The following FYN variants were observed in gnomAD, a reference collection of about 807,000 sequenced individuals.
The protein encoded by FYN is tyrosine-protein kinase Fyn.
A neutral mutation model predicts 70.2 loss-of-function variants in FYN; 10 were observed. The observed-to-expected ratio is 0.14, with a 90% CI of 0.09 to 0.24. The LOEUF (loss-of-function observed/expected upper bound fraction) is 0.24, where lower values mean the gene tolerates loss of function less well. FYN is among the 10% of genes least tolerant of loss of function. The pLI, the probability that FYN is intolerant of heterozygous loss-of-function variation, is 1.00. For missense variants in FYN, 319 were observed against 673.1 expected, an observed-to-expected ratio of 0.47 and a Z score of 5.82; for synonymous variants, 236 against 248.6, an observed-to-expected ratio of 0.95 and a Z score of 0.48.
At position 111,726,835 on chromosome 6, in the gene FYN, C is replaced by T. The variant is rs568279375; in HGVS notation, c.-11-6773G>A. ...GGGGGCAGTTCCCTCATGCTGTTCT[C>T]GTGATAGTGAGTGAGTTCTCATGAG... On this transcript the variant is annotated intron_variant, in intron 3 of 13. Coordinates refer to ENST00000354650, the MANE Select transcript of FYN (RefSeq NM_002037.5). Among the ~76,000 whole-genome samples the T allele has an allele frequency of 5.9e-5, 9 of 152,140 alleles. No homozygotes were observed. In the South Asian group the frequency reaches 1.9e-3, roughly 32 times the overall value.
chr6:111,757,517 GCCTCTGCAAATC>G (rs1477154202), intron 3 of FYN, among the ~76,000 whole-genome samples: 3 of 152,188 alleles, frequency 2.0e-5, no homozygotes, highest in Admixed American at 6.5e-5. Flanking sequence ...GGAAGTCCAG[GCCTCTGCAAATC>G]AAACTCTGCC....
intron 8 of FYN, among the ~76,000 whole-genome samples, chr6:111,701,100 T>C (rs191444409): frequency 4.6e-5 from 7 of 152,298 alleles, no homozygotes; most frequent in Admixed American, 6.5e-5. Flanking sequence ...GAATGTATTC[T>C]TTATAAAAAA....
intron 3 of FYN, among the ~76,000 whole-genome samples, chr6:111,742,349 T>C (rs940305015): frequency 1.3e-5 from 2 of 152,104 alleles, no homozygotes; most frequent in Non-Finnish European, 2.9e-5. Flanking sequence ...CATCTTCCAG[T>C]GTAGAAAAAA....
intron 2 of FYN, among the ~76,000 whole-genome samples, chr6:111,819,442 T>C (rs1772588674): frequency 6.6e-6 from 1 of 152,220 alleles, no homozygotes; most frequent in South Asian, 2.1e-4. Context: ...TGAACTCACT[T>C]TAAGTCTCCA....
intron 3 of FYN, among the ~76,000 whole-genome samples, chr6:111,739,080 T>G (rs942152008): frequency 2.0e-5 from 3 of 152,164 alleles, no homozygotes; most frequent in South Asian, 2.1e-4. Context: ...CACTCTCCTA[T>G]TTTGAACTGA....
intron 1 of FYN, among the ~76,000 whole-genome samples, chr6:111,856,601 G>T (rs1773829687): frequency 6.6e-6 from 1 of 151,998 alleles, no homozygotes; most frequent in Non-Finnish European, 1.5e-5. Flanking sequence ...ATTCTGAAGA[G>T]AACTATTTTA....
intron 12 of FYN, among the ~76,000 whole-genome samples, chr6:111,685,444 C>G (rs1425427124): frequency 6.6e-6 from 1 of 152,216 alleles, no homozygotes; most frequent in Non-Finnish European, 1.5e-5. Flanking sequence ...CTCCCCTTTT[C>G]AATCTGGTAC....
At chr6:111,765,247 G>T (rs1263839431) in intron 3 of FYN, among the ~76,000 whole-genome samples, 1 of 152,150 alleles carries the variant, frequency 6.6e-6, no homozygotes, top group Non-Finnish European at 1.5e-5. Context: ...ATGTGTTGAA[G>T]CCCTAACCCC....
chr6:111,819,644 G>A (rs1022800598), intron 2 of FYN, among the ~76,000 whole-genome samples: 4 of 151,872 alleles, frequency 2.6e-5, no homozygotes, highest in Admixed American at 2.6e-4. Context: ...AGACTGTAAA[G>A]GTCTTTGTGT....
intron 2 of FYN, among the ~76,000 whole-genome samples, chr6:111,832,917 T>A (rs1167563079): frequency 1.3e-5 from 2 of 152,166 alleles, no homozygotes; most frequent in African/African-American, 4.8e-5. Context: ...GACCCAGAAA[T>A]AACAAGTTAA....
At chr6:111,750,456 A>G (rs1484704603) in intron 3 of FYN, among the ~76,000 whole-genome samples, 1 of 152,204 alleles carries the variant, frequency 6.6e-6, no homozygotes, top group Admixed American at 6.5e-5. Context: ...TGCTTCCTGT[A>G]CAACCTGCAG....
rs1803159354 is a variant in FYN, at chr6:111,764,703, G to C, written c.-12+15863C>G. On this transcript the variant is annotated intron_variant, in intron 3 of 13. Coordinates refer to ENST00000354650, the MANE Select transcript of FYN (RefSeq NM_002037.5). Reference sequence around the variant, plus strand: ...CATTCTCCCACGTCACTTATCAACTGTCTTAACTCGTAGAGCTAAGGGGTT... The same window carrying C: ...CATTCTCCCACGTCACTTATCAACTCTCTTAACTCGTAGAGCTAAGGGGTT... 1.3e-5 allele frequency among the ~76,000 whole-genome samples: 2 copies of C among 152,096 alleles called. 1 individual carries two copies. Among genetic ancestry groups the C allele is most frequent in the South Asian group, 4.1e-4 (2 of 4,826 alleles).
chr6:111,714,866 C>A (rs1301245789), intron 4 of FYN, among the ~76,000 whole-genome samples: 1 of 152,194 alleles, frequency 6.6e-6, no homozygotes, highest in African/African-American at 2.4e-5. Flanking sequence ...AATGCACCAC[C>A]CTTTCTCCTG....
At chr6:111,719,731 AC>A in intron 4 of FYN, 73 bp downstream of exon 4, 1 of 1,531,020 alleles carries the variant, frequency 6.5e-7, no homozygotes, top group Middle Eastern at 1.9e-4. Flanking sequence ...AGTGATGGGA[AC>A]CCAGATGTTC....
At chr6:111,708,849 AGAG>A (rs1432211035) in intron 5 of FYN, 1 of 152,450 alleles carries the variant, frequency 6.6e-6, no homozygotes, top group East Asian at 1.9e-4. Flanking sequence ...GGGAGCTCTC[AGAG>A]GAGGTGAAAG....
intron 3 of FYN, among the ~76,000 whole-genome samples, chr6:111,777,133 G>A (rs1301529250): frequency 2.0e-5 from 3 of 152,132 alleles, no homozygotes; most frequent in African/African-American, 7.2e-5. Flanking sequence ...GTAAATGCTG[G>A]GATCATGTTG....
intron 2 of FYN, among the ~76,000 whole-genome samples, chr6:111,802,306 C>A (rs1170671140): frequency 1.3e-5 from 2 of 152,096 alleles, no homozygotes; most frequent in African/African-American, 2.4e-5. Context: ...ATGCCTTCTG[C>A]CATGATTGTA....
chr6:111,865,861 GTC>G lies in FYN; in HGVS notation c.-123+7105_-123+7106del, dbSNP rs530635705. ...AAAGAAACCCTTTTACAGGGTTAAC[GTC>G]AGAATGCTTTCATGTTTTCCGTTCT... On this transcript the variant is annotated intron_variant, in intron 1 of 13. Transcript: ENST00000354650. Among the ~76,000 whole-genome samples, 83 of 152,290 alleles carry G rather than the reference GTC, an allele frequency of 5.5e-4. 1 individual carries two copies. The highest frequency in any genetic ancestry group is 1.9e-3 in the African/African-American group (79 of 41,560).
chr6:111,735,237 G>C (rs1304545773), intron 3 of FYN, among the ~76,000 whole-genome samples: 1 of 152,212 alleles, frequency 6.6e-6, no homozygotes, highest in Non-Finnish European at 1.5e-5. Context: ...TAAGGCTGAA[G>C]AAGACAGGCT....
Sources: gnomAD v4.1 joint callset for allele counts (sites outside exome capture counted in the v4.1 genomes callset) on GRCh38, gnomAD v4.1.1 for gene constraint, MANE v1.5 for transcripts, NCBI Gene and HGNC (gene_info 2026-07-23, HGNC 2026-07-21) for gene names.